KAT6B: variants seen among roughly 807,000 people sequenced by gnomAD.
The protein encoded by KAT6B is lysine acetyltransferase 6B, also known as histone acetyltransferase KAT6B.
In KAT6B, 10 loss-of-function variants were observed where a neutral mutation model predicts 187.5. That is an observed-to-expected ratio of 0.05 (90% CI 0.03 to 0.09). The LOEUF (loss-of-function observed/expected upper bound fraction) is 0.09, where lower values mean the gene tolerates loss of function less well. Among genes scored for constraint, KAT6B ranks in the 10% least tolerant of loss-of-function variants. The pLI is 1.00. For synonymous variants in KAT6B, 861 were observed against 926.8 expected (o/e 0.93, Z 1.29); for missense variants, 1,952 against 2,558.9 (o/e 0.76, Z 5.12).
chr10:74,851,160 T>G (rs1170632076), intron 3 of KAT6B, among the ~76,000 whole-genome samples: 2 of 151,546 alleles, frequency 1.3e-5, no homozygotes, highest in Non-Finnish European at 2.9e-5. Flanking sequence ...CAGGCCGGAG[T>G]GCAGTGGCGC....
At chr10:74,999,906 G>A (rs144568555) in intron 13 of KAT6B, among the ~76,000 whole-genome samples, 166 of 152,350 alleles carry the variant, frequency 1.1e-3, no homozygotes, top group African/African-American at 3.4e-3. Flanking sequence ...TGGGCGTAGC[G>A]TCTCACGCCT....
In KAT6B at chr10:74,999,847, C is replaced by T. The variant is rs984059653; in HGVS notation, c.2629+10735C>T. Among the ~76,000 whole-genome samples, 4 of 152,244 alleles carry T rather than the reference C, an allele frequency of 2.6e-5. No individual in the cohort carries two copies. In the South Asian group the frequency reaches 6.2e-4, roughly 24 times the overall value. On this transcript the variant is annotated intron_variant, in intron 13 of 17. Coordinates refer to ENST00000287239, the MANE Select transcript of KAT6B (RefSeq NM_012330.4). The stretch of plus-strand genomic sequence containing the variant: ...TCTTTGGACAACTGTATATTAAGTG[C>T]GATTAAAAGTAGATTCAAAAAGCTT...
At chr10:75,018,584 G>T (rs1845162490) in intron 13 of KAT6B, among the ~76,000 whole-genome samples, 1 of 152,192 alleles carries the variant, frequency 6.6e-6, no homozygotes, top group Admixed American at 6.5e-5. Flanking sequence ...CCGGATTAGG[G>T]ACTGTAGCGG....
chr10:74,915,667 G>GCAGTTAATATTTCTAGAA (rs1847621412), intron 3 of KAT6B, among the ~76,000 whole-genome samples: 1 of 152,184 alleles, frequency 6.6e-6, no homozygotes, highest in East Asian at 1.9e-4. Context: ...GAATGAAAGA[G>GCAGTTAATATTTCTAGAA]TGCTTCCATC....
At chr10:74,942,184 A>G (rs1260406261) in intron 3 of KAT6B, among the ~76,000 whole-genome samples, 1 of 152,034 alleles carries the variant, frequency 6.6e-6, no homozygotes, top group East Asian at 1.9e-4. Flanking sequence ...AAGACTTTGC[A>G]AGAAAAGGAA....
chr10:75,031,086 T>C lies in KAT6B; in HGVS notation c.*40T>C. The C allele has an allele frequency of 6.2e-7, 1 of 1,610,194 alleles. No individual in the cohort carries two copies. Among genetic ancestry groups the C allele is most frequent in the South Asian group, 1.1e-5 (1 of 90,564 alleles). ...CCACAAAACCTACGGGGCATCACTA[T>C]TGGATTGATCTGCACAAATACCTTT... On this transcript the variant is annotated 3_prime_UTR_variant, in exon 18 of 18. Transcript: ENST00000287239.
At chr10:74,838,405 A>G (rs1450887734) in intron 1 of KAT6B, among the ~76,000 whole-genome samples, 1 of 152,198 alleles carries the variant, frequency 6.6e-6, no homozygotes, top group Non-Finnish European at 1.5e-5. Flanking sequence ...TTAGGAATCT[A>G]TCACAAACCT....
intron 2 of KAT6B, among the ~76,000 whole-genome samples, chr10:74,841,521 C>T (rs957493722): frequency 1.3e-5 from 2 of 151,656 alleles, no homozygotes; most frequent in Non-Finnish European, 2.9e-5. Context: ...GCTGAGATTG[C>T]GCTATTGCAC....
rs914598279 is a variant in KAT6B at position 75,032,336 on chromosome 10, A to T, written c.*1290A>T. On this transcript the variant is annotated 3_prime_UTR_variant, in exon 18 of 18. Transcript: ENST00000287239. Reference sequence around the variant, plus strand: ...ATATTATGATTGATAGAGAATGACCAATGGAACTGTATCATGTGTCACGCC... The same window carrying T: ...ATATTATGATTGATAGAGAATGACCTATGGAACTGTATCATGTGTCACGCC... 1 of 194,238 alleles carries T rather than the reference A, an allele frequency of 5.1e-6. No individual in the cohort carries two copies. The highest frequency in any genetic ancestry group is 2.3e-5 in the African/African-American group (1 of 43,248). The allele number at this position is 194,238 out of a possible 1,614,324, so 12.0% of individuals were successfully genotyped here.
chr10:75,009,078 A>G (rs1335267476), intron 13 of KAT6B, among the ~76,000 whole-genome samples: 7 of 152,202 alleles, frequency 4.6e-5, no homozygotes, highest in Non-Finnish European at 7.3e-5. Context: ...ACACACTTCT[A>G]CCTAGTTGTA....
rs1291634753 is a variant in KAT6B at position 75,030,585 on chromosome 10, G to A, written c.5761G>A (p.Gly1921Ser). The A allele has an allele frequency of 6.2e-7, 1 of 1,610,648 alleles. No homozygotes were observed. The highest frequency in any genetic ancestry group is 1.7e-5 in the Admixed American group (1 of 59,956). ...ACTGCAAACCCAGATTGCCAGCAAG[G>A]GCCACATCTCCATGAGAACCAAGTC... ...QRLQTQIASKGHISMRTKSAS... is the reference protein window; with the variant it reads ...QRLQTQIASKSHISMRTKSAS... The change falls in exon 18 of 18, where the codon GGC becomes AGC. Residue 1921 changes from glycine to serine, a missense_variant. Gly to Ser is a moderately conservative substitution (Grantham distance 56). Transcript: ENST00000287239. The surrounding 1 kb of genome is among the most constrained non-coding windows in gnomAD (Gnocchi z 4.8).
intron 3 of KAT6B, among the ~76,000 whole-genome samples, chr10:74,908,573 A>G: frequency 1.3e-5 from 2 of 151,096 alleles, no homozygotes; most frequent in East Asian, 3.9e-4. Context: ...AAAAAGAAAG[A>G]GAAATAAACT....
chr10:74,852,165 T>A (rs766079249), intron 3 of KAT6B, among the ~76,000 whole-genome samples: 1 of 152,254 alleles, frequency 6.6e-6, no homozygotes, highest in Non-Finnish European at 1.5e-5. Flanking sequence ...TCCTCCTCTC[T>A]GTTGACCTTC....
chr10:74,902,541 G>T (rs557263406), intron 3 of KAT6B, among the ~76,000 whole-genome samples: 1 of 152,118 alleles, frequency 6.6e-6, no homozygotes, highest in African/African-American at 2.4e-5. Context: ...CCTGTAAACC[G>T]ACTATTCAAA....
chr10:74,915,914 C>T (rs1184746808), intron 3 of KAT6B, among the ~76,000 whole-genome samples: 1 of 152,158 alleles, frequency 6.6e-6, no homozygotes, highest in African/African-American at 2.4e-5. Flanking sequence ...TACCTATAAT[C>T]CCAGCTCTTT....
At chr10:75,020,153 G>T (rs1452321197) in intron 13 of KAT6B, among the ~76,000 whole-genome samples, 3 of 152,146 alleles carry the variant, frequency 2.0e-5, no homozygotes, top group African/African-American at 7.2e-5. Flanking sequence ...GGGTCATTAG[G>T]TCCTTCCTGT....
At chr10:74,912,032 C>G (rs1847239356) in intron 3 of KAT6B, among the ~76,000 whole-genome samples, 1 of 152,062 alleles carries the variant, frequency 6.6e-6, no homozygotes, top group African/African-American at 2.4e-5. Flanking sequence ...TTTTGACCTC[C>G]TGGGCTCAAG....
intron 3 of KAT6B, among the ~76,000 whole-genome samples, chr10:74,847,024 C>T (rs1409964475): frequency 6.6e-6 from 1 of 152,106 alleles, no homozygotes; most frequent in Admixed American, 6.5e-5. Context: ...TTAACCTTGC[C>T]CGTCATTTCT....
upstream of KAT6B, among the ~76,000 whole-genome samples, chr10:74,825,090 TCCTC>T (rs1840091425): frequency 6.6e-6 from 1 of 151,908 alleles, no homozygotes; most frequent in African/African-American, 2.4e-5. The surrounding 1 kb of genome is among the most constrained non-coding windows in gnomAD (Gnocchi z 5.0). Flanking sequence ...TGCTCCCTCT[TCCTC>T]CCGATCAGGG....
Sources: gnomAD v4.1 joint callset for allele counts (sites outside exome capture counted in the v4.1 genomes callset) on GRCh38, gnomAD v4.1.1 for gene constraint, Gnocchi (gnomAD v3.1) non-coding constraint, MANE v1.5 for transcripts, NCBI Gene and HGNC (gene_info 2026-07-23, HGNC 2026-07-21) for gene names.